Variants in FSTL4 observed in about 807,000 individuals in gnomAD.
FSTL4 encodes the protein follistatin-related protein 4.
A neutral mutation model predicts 78.2 loss-of-function variants in FSTL4; 28 were observed. The ratio of observed to expected loss-of-function variants is 0.36; its 90% CI spans 0.27 to 0.49. The LOEUF is 0.49. FSTL4 is among the 20% of genes least tolerant of loss of function. The pLI, the probability that FSTL4 is intolerant of heterozygous loss-of-function variation, is 0.98. For synonymous variants in FSTL4, 422 were observed against 440.5 expected, an observed-to-expected ratio of 0.96 and a Z score of 0.53; for missense variants, 922 against 1,084.9, an observed-to-expected ratio of 0.85 and a Z score of 2.11.
At chr5:133,465,915 C>T (rs973368725) in intron 3 of FSTL4, among the ~76,000 whole-genome samples, 2 of 152,228 alleles carry the variant, frequency 1.3e-5, no homozygotes, top group Non-Finnish European at 2.9e-5. Context: ...GCTAGCTTAT[C>T]GTAGAGACCA....
At chr5:133,671,889 G>A in the FSTL4 span, among the ~76,000 whole-genome samples, 2 of 152,146 alleles carry the variant, frequency 1.3e-5, no homozygotes, top group Non-Finnish European at 2.9e-5. Context: ...AAATTGTGGG[G>A]GCTAAGAACG....
intron 3 of FSTL4, among the ~76,000 whole-genome samples, chr5:133,491,100 T>C (rs1166179699): frequency 6.6e-6 from 1 of 152,164 alleles, no homozygotes; most frequent in Admixed American, 6.5e-5. Flanking sequence ...CCTCTGAACC[T>C]AAAATAAAAA....
At chr5:133,559,040 T>G (rs1041193845) in intron 3 of FSTL4, among the ~76,000 whole-genome samples, 1 of 152,220 alleles carries the variant, frequency 6.6e-6, no homozygotes, top group African/African-American at 2.4e-5. Flanking sequence ...AAGACAGGTT[T>G]GTTGTTTTTT....
At chr5:133,425,198 TTTAACA>T (rs1371365578) in intron 3 of FSTL4, among the ~76,000 whole-genome samples, 2 of 151,716 alleles carry the variant, frequency 1.3e-5, no homozygotes, top group Admixed American at 6.6e-5. Context: ...TGTAAATCTT[TTTAACA>T]TTAAGATTTC....
intron 4 of FSTL4, among the ~76,000 whole-genome samples, chr5:133,330,585 C>A (rs1754321824): frequency 6.6e-6 from 1 of 152,194 alleles, no homozygotes; most frequent in Non-Finnish European, 1.5e-5. Flanking sequence ...ACCTCCAACA[C>A]TGGGGATTGC....
chr5:133,280,688 A>T (rs1242502051), intron 6 of FSTL4, among the ~76,000 whole-genome samples: 24 of 152,116 alleles, frequency 1.6e-4, no homozygotes. Context: ...ACCAAGGCCC[A>T]CTCAGAGCCA....
intron 3 of FSTL4, among the ~76,000 whole-genome samples, chr5:133,429,113 C>T (rs1756884777): frequency 6.6e-6 from 1 of 152,176 alleles, no homozygotes; most frequent in Non-Finnish European, 1.5e-5. Context: ...CTCCGGAGGG[C>T]CCTAACCTGG....
chr5:133,319,367 C>T (rs578035100), intron 4 of FSTL4, among the ~76,000 whole-genome samples: 3 of 152,360 alleles, frequency 2.0e-5, no homozygotes, highest in African/African-American at 4.8e-5. Flanking sequence ...TATTTACATA[C>T]TGTGTGCCCG....
intron 4 of FSTL4, among the ~76,000 whole-genome samples, chr5:133,357,159 G>A (rs1754960169): frequency 6.6e-6 from 1 of 152,184 alleles, no homozygotes; most frequent in Non-Finnish European, 1.5e-5. Context: ...GGGACAGGAA[G>A]GACAGCATGT....
intron 3 of FSTL4, among the ~76,000 whole-genome samples, chr5:133,487,379 T>C (rs1404429100): frequency 6.6e-6 from 1 of 152,202 alleles, no homozygotes; most frequent in Non-Finnish European, 1.5e-5. Flanking sequence ...TGTCACCATC[T>C]TTCCTTGCAG....
upstream of FSTL4, among the ~76,000 whole-genome samples, chr5:133,616,310 A>ACTCTATCT (rs1554073702): frequency 6.8e-6 from 1 of 147,162 alleles, no homozygotes; most frequent in Non-Finnish European, 1.5e-5. Flanking sequence ...TGAAAATCTA[A>ACTCTATCT]ATCTATCTAT....
At chr5:133,354,778 T>A (rs1754907607) in intron 4 of FSTL4, among the ~76,000 whole-genome samples, 1 of 152,228 alleles carries the variant, frequency 6.6e-6, no homozygotes, top group Admixed American at 6.5e-5. Flanking sequence ...CCCATGCAGA[T>A]CTCACGTCAC....
At chr5:133,286,096 C>T (rs1753123181) in intron 6 of FSTL4, among the ~76,000 whole-genome samples, 1 of 152,246 alleles carries the variant, frequency 6.6e-6, no homozygotes, top group Admixed American at 6.5e-5. Flanking sequence ...CGACACAAGG[C>T]TGACCTCTAA....
At chr5:133,754,763 C>A in the FSTL4 span, among the ~76,000 whole-genome samples, 1 of 152,086 alleles carries the variant, frequency 6.6e-6, no homozygotes, top group African/African-American at 2.4e-5. Context: ...TATCCTGAGC[C>A]CAGTGGAGCT....
intron 2 of FSTL4, among the ~76,000 whole-genome samples, chr5:133,601,698 T>TTTC (rs377291709): frequency 6.7e-6 from 1 of 149,524 alleles, no homozygotes. Flanking sequence ...TTTTTTTTTT[T>TTTC]CTCAGACATG....
intron 3 of FSTL4, among the ~76,000 whole-genome samples, chr5:133,473,355 T>C (rs1757863119): frequency 1.3e-5 from 2 of 152,228 alleles, no homozygotes; most frequent in African/African-American, 4.8e-5. Context: ...CTTGGCCCTT[T>C]GGTCGTGACT....
the FSTL4 span, among the ~76,000 whole-genome samples, chr5:133,741,652 C>G: frequency 1.3e-4 from 20 of 152,294 alleles, no homozygotes; most frequent in Non-Finnish European, 1.6e-4. Context: ...AACACAGAGG[C>G]CTCTCTGCCC....
intron 6 of FSTL4, among the ~76,000 whole-genome samples, chr5:133,258,244 T>C (rs1241711982): frequency 6.6e-6 from 1 of 152,248 alleles, no homozygotes; most frequent in Non-Finnish European, 1.5e-5. Flanking sequence ...GTTAGTTTTA[T>C]GTGTTACCTT....
the FSTL4 span, among the ~76,000 whole-genome samples, chr5:133,765,046 C>T: frequency 6.6e-6 from 1 of 152,228 alleles, no homozygotes; most frequent in Non-Finnish European, 1.5e-5. Flanking sequence ...ATACCTGAAT[C>T]AAAACCTTGC....
Sources: allele counts gnomAD v4.1 joint callset (sites outside exome capture counted in the v4.1 genomes callset), GRCh38; gene constraint gnomAD v4.1.1; transcripts MANE v1.5; gene names NCBI Gene and HGNC (gene_info 2026-07-23, HGNC 2026-07-21).